MMP15: variants seen among roughly 807,000 people sequenced by gnomAD.
MMP15 encodes matrix metallopeptidase 15.
Under a neutral mutation model 65.0 loss-of-function variants are expected in MMP15, and 36 were observed. The observed-to-expected ratio is 0.55, with a 90% CI of 0.42 to 0.73. MMP15 has a LOEUF of 0.73. MMP15 is among the 30% of genes least tolerant of loss of function. The pLI is 0.00. For missense variants in MMP15, 870 were observed against 987.8 expected, an observed-to-expected ratio of 0.88 and a Z score of 1.60; for synonymous variants, 428 against 410.2, an observed-to-expected ratio of 1.04 and a Z score of -0.52.
intron 2 of MMP15, 75 bp from the exon 3 acceptor site, chr16:58,038,191 G>T (rs758136921): frequency 1.4e-5 from 22 of 1,574,698 alleles, no homozygotes; most frequent in Non-Finnish European, 1.8e-5. Context: ...CGGAAGTGGC[G>T]GAAGTGGCAG....
At position 58,045,263 on chromosome 16, in the gene MMP15, G is replaced by A; in HGVS notation, c.1827G>A (p.Gly609=). The A allele has an allele frequency of 6.2e-7, 1 of 1,609,522 alleles. No individual in the cohort carries two copies. Among genetic ancestry groups the A allele is most frequent in the Non-Finnish European group, 8.5e-7 (1 of 1,178,952 alleles). ...GDFGAGVNKD[G]GSRVVVQMEE... ...TTGGGGCCGGGGTCAACAAGGACGGGGGCAGCCGCGTGGTGGTGCAGATGG... is the reference window on the plus strand; with the variant it reads ...TTGGGGCCGGGGTCAACAAGGACGGAGGCAGCCGCGTGGTGGTGCAGATGG... Residue 609 remains glycine, a synonymous_variant, in exon 10 of 10, where the codon GGG becomes GGA. Transcript: ENST00000219271.
intron 1 of MMP15, among the ~76,000 whole-genome samples, chr16:58,027,377 G>GA (rs1168807363): frequency 2.6e-5 from 4 of 152,238 alleles, no homozygotes; most frequent in Admixed American, 1.3e-4. Flanking sequence ...CGAGGACACC[G>GA]AAGGCGCCAG....
chr16:58,045,191 C>A lies in MMP15; in HGVS notation c.1755C>A (p.Pro585=). Residue 585 remains proline, a synonymous_variant, in exon 10 of 10, where the codon CCC becomes CCA. Transcript: ENST00000219271. ...TCAACCCCCACGGGGGTGCAGAGCC[C>A]GGGGCGGACAGCGCAGAGGGCGACG... is the stretch of plus-strand genomic sequence containing the variant. ...PPFNPHGGAE[P]GADSAEGDVG... 1 of 1,592,388 alleles carries A rather than the reference C, an allele frequency of 6.3e-7. No individual in the cohort carries two copies. The highest frequency in any genetic ancestry group is 8.5e-7 in the Non-Finnish European group (1 of 1,170,156).
chr16:58,039,950 G>C lies in MMP15; in HGVS notation c.516G>C (p.Glu172Asp). The stretch of plus-strand genomic sequence containing the variant: ...TGCGCAGGGCCTTCCGCGTGTGGGA[G>C]CAGGCCACGCCCCTGGTCTTCCAGG... ...EAVRRAFRVW[E>D]QATPLVFQEV... is the part of the protein sequence containing the mutation. Residue 172 changes from glutamate (E) to aspartate (D), a missense_variant, in exon 4 of 10, where the codon GAG becomes GAC. Transcript: ENST00000219271. 1 of 1,613,560 alleles carries C rather than the reference G, an allele frequency of 6.2e-7. No homozygotes were observed. The highest frequency in any genetic ancestry group is 8.5e-7 in the Non-Finnish European group (1 of 1,179,888).
Position 58,026,261 on chromosome 16 carries a change from CGGGCCAG to C in MMP15, c.-88_-82del. 1 of 1,220,116 alleles carries C rather than the reference CGGGCCAG, an allele frequency of 8.2e-7. No homozygotes were observed. The highest frequency in any genetic ancestry group is 3.8e-5 in the South Asian group (1 of 26,208). 75.6% of individuals were successfully genotyped at this position (1,220,116 alleles called of 1,614,324 possible). A position where few individuals can be genotyped will look rare whatever the true frequency, so the allele number is the denominator to read the frequency against. ...AGCCCGAGGTCCGCGGCGCGCCTGC[CGGGCCAG>C]GAGCCAGGGAGCGTCGCAAGTTTCC... On this transcript the variant is annotated 5_prime_UTR_variant, in exon 1 of 10. Coordinates refer to ENST00000219271, the MANE Select transcript of MMP15 (RefSeq NM_002428.4).
In MMP15 at chr16:58,043,202, T is replaced by G. The variant is rs1394393631; in HGVS notation, c.1304-8T>G. 3.2e-6 allele frequency: 5 copies of G among 1,580,602 alleles called. No homozygotes were observed. The highest frequency in any genetic ancestry group is 3.4e-6 in the Non-Finnish European group (4 of 1,161,100). Reference sequence around the variant, plus strand: ...CTGACCTCACTGTGCCTGCCACCCCTCCTGTAGGTGACCGCTACTGGCTCT... The same window carrying G: ...CTGACCTCACTGTGCCTGCCACCCCGCCTGTAGGTGACCGCTACTGGCTCT... On this transcript the variant is annotated splice_region_variant and splice_polypyrimidine_tract_variant and intron_variant, in intron 7 of 9. Coordinates refer to ENST00000219271, the MANE Select transcript of MMP15 (RefSeq NM_002428.4).
chr16:58,040,193 C>T lies in MMP15; in HGVS notation c.748+11C>T. The stretch of plus-strand genomic sequence containing the variant: ...GCACTGACCTGCATGGTGAGGACAG[C>T]TGGCCAGGGTGAGGGGCAGGGCAGG... On this transcript the variant is annotated intron_variant, in intron 4 of 9. Transcript: ENST00000219271. 1 of 1,596,524 alleles carries T rather than the reference C, an allele frequency of 6.3e-7. No individual in the cohort carries two copies.
Position 58,045,083 on chromosome 16 carries a change from C to T in MMP15, c.1647C>T (p.Pro549=), listed in dbSNP as rs756338447. 98 of 1,612,794 alleles carry T rather than the reference C, an allele frequency of 6.1e-5. No individual in the cohort carries two copies. In the Middle Eastern group the frequency reaches 6.6e-4, roughly 11 times the overall value. The change falls in exon 10 of 10, where the codon CCC becomes CCT. Residue 549 remains proline, a synonymous_variant. Coordinates refer to ENST00000219271, the MANE Select transcript of MMP15 (RefSeq NM_002428.4). ...NERLRMEPGY[P]KSILRDFMGC... ...GCCTGCGGATGGAGCCCGGCTACCC[C>T]AAGTCCATCCTGCGGGACTTCATGG...
At chr16:58,040,945 G>A (rs570022210) in intron 5 of MMP15, 3 of 595,754 alleles carry the variant, frequency 5.0e-6, no homozygotes, top group South Asian at 3.8e-5. Context: ...AGGGACACAG[G>A]TTCTTCATGA....
chr16:58,034,046 G>A (rs1157493090), intron 1 of MMP15, among the ~76,000 whole-genome samples: 1 of 152,242 alleles, frequency 6.6e-6, no homozygotes, highest in Non-Finnish European at 1.5e-5. Context: ...GGTGGCAGAA[G>A]AAACCAAGTC....
intron 1 of MMP15, among the ~76,000 whole-genome samples, chr16:58,028,967 G>C (rs1438161866): frequency 6.6e-6 from 1 of 152,250 alleles, no homozygotes; most frequent in Non-Finnish European, 1.5e-5. Context: ...GCAGGGCTGA[G>C]AGTCTCCAGG....
intron 2 of MMP15, 138 bp downstream of exon 2, chr16:58,037,758 CT>C: frequency 2.3e-6 from 3 of 1,285,014 alleles, no homozygotes; most frequent in South Asian, 1.5e-5. Context: ...CTCCATGTCA[CT>C]TCTGATTGGT....
rs2142329466 is a variant in MMP15, at chr16:58,040,073, T to C, written c.639T>C (p.Asp213=). 1.2e-6 allele frequency: 2 copies of C among 1,614,140 alleles called. No homozygotes were observed. Among genetic ancestry groups the C allele is most frequent in the Non-Finnish European group, 1.7e-6 (2 of 1,180,056 alleles). ...TCCACGGCGACAGCTCGCCGTTTGA[T>C]GGCACCGGTGGCTTTCTGGCCCACG... The part of the protein sequence containing the change: ...SGFHGDSSPF[D]GTGGFLAHAY... Residue 213 remains aspartate, a synonymous_variant, in exon 4 of 10, where the codon GAT becomes GAC. Coordinates refer to ENST00000219271, the MANE Select transcript of MMP15 (RefSeq NM_002428.4).
chr16:58,029,918 C>T (rs557361862), intron 1 of MMP15, among the ~76,000 whole-genome samples: 1 of 152,246 alleles, frequency 6.6e-6, no homozygotes, highest in East Asian at 1.9e-4. Flanking sequence ...CCCTGCCGAG[C>T]GGTTTGTTCT....
In MMP15 at chr16:58,045,588, G is replaced by T; in HGVS notation, c.*142G>T. On this transcript the variant is annotated 3_prime_UTR_variant, in exon 10 of 10. Transcript: ENST00000219271. ...CCCCGCCCTCATTATTTATGTCCAG[G>T]TGTTTGTTTTGTTTTGTTTTTGGCA... 1.5e-6 allele frequency: 1 copy of T among 688,458 alleles called. No homozygotes were observed. The highest frequency in any genetic ancestry group is 2.3e-6 in the Non-Finnish European group (1 of 426,496). The allele number at this position is 688,458 out of a possible 1,614,324, so 42.6% of individuals were successfully genotyped here.
At chr16:58,028,314 C>T (rs916214545) in intron 1 of MMP15, among the ~76,000 whole-genome samples, 1 of 152,144 alleles carries the variant, frequency 6.6e-6, no homozygotes, top group East Asian at 1.9e-4. Flanking sequence ...GTCCTGGAGC[C>T]CTACTCCTGG....
intron 9 of MMP15, among the ~76,000 whole-genome samples, chr16:58,044,531 C>G (rs1404930025): frequency 2.0e-5 from 3 of 152,182 alleles, no homozygotes; most frequent in Non-Finnish European, 4.4e-5. Flanking sequence ...GTGCTCACCC[C>G]TTGATTGAAA....
chr16:58,040,042 C>G lies in MMP15; in HGVS notation c.608C>G (p.Ser203Cys). Residue 203 changes from serine to cysteine, a missense_variant, in exon 4 of 10, where the codon TCT (serine) becomes TGT (cysteine). Coordinates refer to ENST00000219271, the MANE Select transcript of MMP15 (RefSeq NM_002428.4). ...KEADIMVLFA[S>C]GFHGDSSPFD... Reference sequence around the variant, plus strand: ...GCCGACATCATGGTACTCTTTGCCTCTGGCTTCCACGGCGACAGCTCGCCG... The same window carrying G: ...GCCGACATCATGGTACTCTTTGCCTGTGGCTTCCACGGCGACAGCTCGCCG... The G allele has an allele frequency of 6.2e-7, 1 of 1,614,166 alleles. No individual in the cohort carries two copies. Among genetic ancestry groups the G allele is most frequent in the Non-Finnish European group, 8.5e-7 (1 of 1,180,054 alleles).
intron 1 of MMP15, among the ~76,000 whole-genome samples, chr16:58,027,898 A>C (rs1325301710): frequency 6.7e-6 from 1 of 148,400 alleles, no homozygotes; most frequent in East Asian, 2.1e-4. Flanking sequence ...GAGGAGCTTT[A>C]GGGGGCTCCT....
Sources: gnomAD v4.1 joint callset for allele counts (sites outside exome capture counted in the v4.1 genomes callset) on GRCh38, gnomAD v4.1.1 for gene constraint, MANE v1.5 for transcripts, NCBI Gene and HGNC (gene_info 2026-07-23, HGNC 2026-07-21) for gene names.